SUGCT: variants seen among roughly 807,000 people sequenced by gnomAD.
The protein encoded by SUGCT is succinyl-CoA:glutarate CoA-transferase.
A neutral mutation model predicts 55.0 loss-of-function variants in SUGCT; 41 were observed. That is an observed-to-expected ratio of 0.74 (90% CI 0.58 to 0.97). SUGCT has a LOEUF of 0.97. SUGCT is among the 50% of genes least tolerant of loss of function. The probability of loss-of-function intolerance (pLI) is 0.00; values close to 1 mark genes in which losing one functional copy is unlikely to be tolerated. For missense variants in SUGCT, 568 were observed against 547.8 expected (o/e 1.04, Z -0.37); for synonymous variants, 187 against 200.4 (o/e 0.93, Z 0.56).
chr7:40,965,841 G>C, the SUGCT span: 1 of 152,268 alleles, frequency 6.6e-6, no homozygotes, highest in African/African-American at 2.4e-5. Context: ...ATTTACATTA[G>C]CTGCACTTTG....
chr7:40,899,134 C>T, the SUGCT span, among the ~76,000 whole-genome samples: 2 of 152,122 alleles, frequency 1.3e-5, no homozygotes, highest in African/African-American at 4.8e-5. Context: ...TGAGAGAGTG[C>T]CCTGCTGCTC....
chr7:40,430,104 T>TGTGACTAATGCTGCAATGAAC (rs1230794213), intron 9 of SUGCT, among the ~76,000 whole-genome samples: 18 of 152,228 alleles, frequency 1.2e-4, no homozygotes, highest in African/African-American at 4.1e-4. Context: ...ATTTGGCTAT[T>TGTGACTAATGCTGCAATGAAC]GTGACTAATG....
At chr7:40,591,527 A>T (rs967838813) in intron 12 of SUGCT, among the ~76,000 whole-genome samples, 1 of 152,228 alleles carries the variant, frequency 6.6e-6, no homozygotes, top group African/African-American at 2.4e-5. Context: ...CAGTGGCAAA[A>T]TTTGAGGGAA....
At chr7:40,192,211 T>C (rs538993911) in intron 5 of SUGCT, among the ~76,000 whole-genome samples, 21 of 151,996 alleles carry the variant, frequency 1.4e-4, no homozygotes, top group South Asian at 1.2e-3. Context: ...ATAGAAACAG[T>C]TCCAAAGTAT....
chr7:40,260,119 C>T (rs2150959872), intron 7 of SUGCT, among the ~76,000 whole-genome samples: 1 of 152,280 alleles, frequency 6.6e-6, no homozygotes, highest in East Asian at 1.9e-4. Flanking sequence ...AATAGTGCTT[C>T]CATTGAGAGC....
intron 12 of SUGCT, among the ~76,000 whole-genome samples, chr7:40,684,745 T>C (rs990956343): frequency 6.6e-6 from 1 of 152,318 alleles, no homozygotes; most frequent in African/African-American, 2.4e-5. Context: ...ATCACTATTT[T>C]GGTTAAATAA....
At chr7:40,952,254 T>G in the SUGCT span, among the ~76,000 whole-genome samples, 7,137 of 152,238 alleles carry the variant, frequency 0.047, 226 homozygotes, top group East Asian at 0.13. Flanking sequence ...AAGTCTGTGT[T>G]ATCTGAGACT....
chr7:40,843,988 C>A (rs1285238338), intron 13 of SUGCT, among the ~76,000 whole-genome samples: 3 of 152,060 alleles, frequency 2.0e-5, no homozygotes, highest in African/African-American at 7.2e-5. Context: ...GCTCTAAACC[C>A]ATCACGGGAA....
At chr7:40,926,274 A>G in the SUGCT span, among the ~76,000 whole-genome samples, 1 of 152,152 alleles carries the variant, frequency 6.6e-6, no homozygotes. Context: ...TGGAAATCAT[A>G]GAAACTAACT....
rs947149784 is a variant in SUGCT, at chr7:40,589,599, A to T, written c.1089+93213A>T. Among the ~76,000 whole-genome samples, 9 of 152,308 alleles carry T rather than the reference A, an allele frequency of 5.9e-5. No individual in the cohort carries two copies. The East Asian group carries it at 1.7e-3, about 29-fold the overall frequency. The stretch of plus-strand genomic sequence containing the variant: ...AGGCCCCACCTCCCAATGTTGTTGC[A>T]TTGGTGATTAAATTAAATTTCCAGC... On this transcript the variant is annotated intron_variant, in intron 12 of 13. Transcript: ENST00000335693.
chr7:40,786,595 A>G (rs889680178), intron 13 of SUGCT, among the ~76,000 whole-genome samples: 1 of 152,254 alleles, frequency 6.6e-6, no homozygotes, highest in Admixed American at 6.5e-5. Context: ...GTAAAGAGCC[A>G]TATTAAGCAA....
At chr7:40,695,167 T>TTTTTTTTATTTA (rs1554403267) in intron 12 of SUGCT, among the ~76,000 whole-genome samples, 4 of 135,478 alleles carry the variant, frequency 3.0e-5, no homozygotes, top group East Asian at 2.2e-4. Context: ...AAACCCTTAT[T>TTTTTTTTATTTA]TTTATTTATT....
Position 40,629,811 on chromosome 7 carries a change from A to G in SUGCT, c.1090-119623A>G, listed in dbSNP as rs541319123. Among the ~76,000 whole-genome samples, 4 of 152,342 alleles carry G rather than the reference A, an allele frequency of 2.6e-5. No homozygotes were observed. In the South Asian group the frequency reaches 8.3e-4, roughly 32 times the overall value. On this transcript the variant is annotated intron_variant, in intron 12 of 13. Coordinates refer to ENST00000335693, the MANE Select transcript of SUGCT (RefSeq NM_001193313.2). The stretch of plus-strand genomic sequence containing the variant: ...TGCATATGGATAAATTTTATATTAC[A>G]TGTAAAATTACCCTGGAAGGATAAT...
intron 12 of SUGCT, among the ~76,000 whole-genome samples, chr7:40,506,542 A>G (rs1049511009): frequency 6.6e-6 from 1 of 152,172 alleles, no homozygotes; most frequent in African/African-American, 2.4e-5. Context: ...TGTTTATACA[A>G]TTGATGTGTT....
At chr7:40,807,295 T>C (rs990195090) in intron 13 of SUGCT, among the ~76,000 whole-genome samples, 2 of 152,168 alleles carry the variant, frequency 1.3e-5, no homozygotes, top group Non-Finnish European at 2.9e-5. Context: ...ACAGGTGCCA[T>C]GGTGGTTTGT....
At chr7:41,027,417 G>A in the SUGCT span, among the ~76,000 whole-genome samples, 66 of 152,272 alleles carry the variant, frequency 4.3e-4, no homozygotes, top group African/African-American at 1.5e-3. Flanking sequence ...GCAGAAAAAT[G>A]GTAAATCCCT....
At chr7:40,462,016 A>G (rs763436296) in intron 11 of SUGCT, among the ~76,000 whole-genome samples, 1 of 152,200 alleles carries the variant, frequency 6.6e-6, no homozygotes, top group South Asian at 2.1e-4. Context: ...GCGCTCAAGA[A>G]ATATTTATTG....
At chr7:40,727,893 A>C (rs1246562736) in intron 12 of SUGCT, among the ~76,000 whole-genome samples, 2 of 152,196 alleles carry the variant, frequency 1.3e-5, no homozygotes, top group Non-Finnish European at 2.9e-5. Context: ...ATGTTGTTAA[A>C]CAACTTTGTG....
intron 11 of SUGCT, among the ~76,000 whole-genome samples, chr7:40,463,071 G>A (rs187033304): frequency 1.6e-4 from 24 of 152,140 alleles, no homozygotes; most frequent in Middle Eastern, 3.4e-3. Context: ...ACAAATAATC[G>A]ACTTTACCAT....
Sources: gnomAD v4.1 joint callset for allele counts (sites outside exome capture counted in the v4.1 genomes callset) on GRCh38, gnomAD v4.1.1 for gene constraint, MANE v1.5 for transcripts, NCBI Gene and HGNC (gene_info 2026-07-23, HGNC 2026-07-21) for gene names.